CTDSPL: variants seen among roughly 807,000 people sequenced by gnomAD.
CTDSPL encodes the protein CTD small phosphatase-like protein.
CTDSPL carries 8 observed loss-of-function variants against 30.5 expected under a neutral mutation model. The observed-to-expected ratio is 0.26, with a 90% confidence interval of 0.15 to 0.47. The LOEUF is 0.47. Ranked by LOEUF, CTDSPL falls within the 20% of genes least tolerant of loss-of-function variation. The probability of loss-of-function intolerance (pLI) is 0.99; values close to 1 mark genes in which losing one functional copy is unlikely to be tolerated. For synonymous variants in CTDSPL, 110 were observed against 137.9 expected (o/e 0.80, Z 1.42); for missense variants, 248 against 366.1 (o/e 0.68, Z 2.63).
At chr3:37,969,485 C>G (rs1296992535) in intron 5 of CTDSPL, 2 of 487,678 alleles carry the variant, frequency 4.1e-6, no homozygotes, top group South Asian at 3.1e-5. Context: ...GGACGCGGGC[C>G]TGGACGCCGG....
chr3:37,874,866 T>C (rs1043174285), intron 1 of CTDSPL, among the ~76,000 whole-genome samples: 3 of 152,242 alleles, frequency 2.0e-5, no homozygotes, highest in African/African-American at 7.2e-5. Context: ...AGTGAAGGGA[T>C]TCTCTTGGGT....
chr3:37,942,663 T>C (rs1345138926), intron 1 of CTDSPL, among the ~76,000 whole-genome samples: 1 of 150,204 alleles, frequency 6.7e-6, no homozygotes, highest in Non-Finnish European at 1.5e-5. Flanking sequence ...ACAAAAATTA[T>C]GGAGTGCTTG....
At chr3:37,904,358 G>A (rs192914223) in intron 1 of CTDSPL, among the ~76,000 whole-genome samples, 6 of 152,244 alleles carry the variant, frequency 3.9e-5, no homozygotes, top group Admixed American at 3.3e-4. Flanking sequence ...CACTCTATCA[G>A]GCATTGAGGA....
At chr3:37,918,037 AGGGGAGAT>A (rs1209612873) in intron 1 of CTDSPL, among the ~76,000 whole-genome samples, 1 of 152,140 alleles carries the variant, frequency 6.6e-6, no homozygotes, top group African/African-American at 2.4e-5. Flanking sequence ...ATTCTAAGTG[AGGGGAGAT>A]GGGGAGCAGA....
intron 1 of CTDSPL, among the ~76,000 whole-genome samples, chr3:37,907,812 T>A (rs1051735491): frequency 3.3e-5 from 5 of 152,196 alleles, no homozygotes; most frequent in African/African-American, 1.2e-4. Context: ...ACTTTAAGCA[T>A]GTTAGAAAGT....
At chr3:37,959,591 G>A (rs1699213260) in intron 3 of CTDSPL, among the ~76,000 whole-genome samples, 1 of 152,100 alleles carries the variant, frequency 6.6e-6, no homozygotes, top group African/African-American at 2.4e-5. Flanking sequence ...ATATTAGTAG[G>A]TATATATCTG....
intron 2 of CTDSPL, among the ~76,000 whole-genome samples, chr3:37,947,433 G>A (rs138757230): frequency 0.064 from 9,725 of 152,174 alleles, 419 homozygotes; most frequent in Middle Eastern, 0.13. Context: ...GGTGGCAGGC[G>A]CCTGTAATCC....
chr3:37,913,015 G>A (rs992288750), intron 1 of CTDSPL, among the ~76,000 whole-genome samples: 1 of 152,174 alleles, frequency 6.6e-6, no homozygotes, highest in African/African-American at 2.4e-5. Flanking sequence ...AGTTTGATGA[G>A]TGTATAAATG....
chr3:37,981,804 TA>T lies in CTDSPL; in HGVS notation c.*940del, dbSNP rs1699495362. The T allele has an allele frequency of 1.3e-5, 6 of 456,890 alleles. No homozygotes were observed. Among genetic ancestry groups the T allele is most frequent in the Non-Finnish European group, 2.2e-5 (5 of 226,998 alleles). 28.3% of individuals were successfully genotyped at this position (456,890 alleles called of 1,614,324 possible). ...TAAAAGAAATCTGTTTATTGATTTT[TA>T]AATCTTTCCTTTCCAAAAGCTGGAT... is the stretch of plus-strand genomic sequence containing the variant. On this transcript the variant is annotated 3_prime_UTR_variant, in exon 8 of 8. Coordinates refer to ENST00000273179, the MANE Select transcript of CTDSPL (RefSeq NM_001008392.2).
intron 1 of CTDSPL, among the ~76,000 whole-genome samples, chr3:37,883,203 G>A (rs1429559910): frequency 6.6e-6 from 1 of 152,210 alleles, no homozygotes; most frequent in Admixed American, 6.5e-5. Context: ...AAGAAATCCA[G>A]TTGGACCAAG....
intron 1 of CTDSPL, among the ~76,000 whole-genome samples, chr3:37,902,087 T>G (rs1195173119): frequency 1.3e-5 from 2 of 152,188 alleles, no homozygotes; most frequent in African/African-American, 4.8e-5. Flanking sequence ...ATGCTGTTCT[T>G]GAAACTCTCA....
At chr3:37,965,300 C>T (rs1699287429) in intron 4 of CTDSPL, among the ~76,000 whole-genome samples, 1 of 152,330 alleles carries the variant, frequency 6.6e-6, no homozygotes, top group East Asian at 1.9e-4. Flanking sequence ...CTTCCTGTCA[C>T]CTTCCCTGAT....
intron 1 of CTDSPL, among the ~76,000 whole-genome samples, chr3:37,943,222 C>T (rs895168695): frequency 2.7e-5 from 4 of 150,176 alleles, no homozygotes; most frequent in East Asian, 2.0e-4. Flanking sequence ...GTCAGACACA[C>T]GTTCATTTGG....
At position 37,957,115 on chromosome 3, in the gene CTDSPL, A is replaced by T. The variant is rs986660382; in HGVS notation, c.239A>T (p.Asp80Val). The T allele has an allele frequency of 6.2e-7, 1 of 1,600,068 alleles. No individual in the cohort carries two copies. The highest frequency in any genetic ancestry group is 1.4e-5 in the African/African-American group (1 of 74,064). ...TTTTTTTTTCTTTTTCCTCAGGGTG[A>T]CCAGAGGCAGGTCATTCCCATACCA... ...VEENGGLQKGDQRQVIPIPSP... is the reference protein window; with the variant it reads ...VEENGGLQKGVQRQVIPIPSP... Residue 80 changes from aspartate to valine, a missense_variant, in exon 3 of 8, where the codon GAC becomes GTC. By Grantham distance (152) the Asp-to-Val change is radical (BLOSUM62 -3). Coordinates refer to ENST00000273179, the MANE Select transcript of CTDSPL (RefSeq NM_001008392.2).
chr3:37,877,197 C>T (rs1698145413), intron 1 of CTDSPL, among the ~76,000 whole-genome samples: 1 of 152,056 alleles, frequency 6.6e-6, no homozygotes, highest in Non-Finnish European at 1.5e-5. Context: ...GCAGCTATCA[C>T]CACCATCCAT....
At position 37,971,310 on chromosome 3, in the gene CTDSPL, A is replaced by G. The variant is rs532147192; in HGVS notation, c.427-97A>G. ...ATAGACCTGGGGGAGGGAGGCAGGA[A>G]CCTTTGTAGCAATTCTTCCTACAGT... On this transcript the variant is annotated intron_variant, in intron 5 of 7. Transcript: ENST00000273179. The G allele has an allele frequency of 1.5e-4, 156 of 1,065,244 alleles. No individual in the cohort carries two copies. The East Asian group carries it at 3.4e-3, about 23-fold the overall frequency. 66.0% of individuals were successfully genotyped at this position (1,065,244 alleles called of 1,614,324 possible).
intron 1 of CTDSPL, among the ~76,000 whole-genome samples, chr3:37,873,008 C>T (rs1698094076): frequency 6.6e-6 from 1 of 152,182 alleles, no homozygotes; most frequent in Non-Finnish European, 1.5e-5. Flanking sequence ...CCTCCTCTGA[C>T]ACCACCTCAA....
chr3:37,951,613 C>T (rs543533517), intron 2 of CTDSPL, among the ~76,000 whole-genome samples: 2 of 151,550 alleles, frequency 1.3e-5, no homozygotes, highest in South Asian at 2.1e-4. Flanking sequence ...CCCAGGAGGT[C>T]GAGGCTGCAG....
chr3:37,915,633 T>G lies in CTDSPL; in HGVS notation c.80-31424T>G, dbSNP rs1212019012. 2.6e-5 allele frequency among the ~76,000 whole-genome samples: 4 copies of G among 152,344 alleles called. No individual in the cohort carries two copies. The East Asian group carries it at 7.7e-4, about 29-fold the overall frequency. On this transcript the variant is annotated intron_variant, in intron 1 of 7. Transcript: ENST00000273179. ...TTTAAAATCTAGAATTACTGGGTTT[T>G]GTTTTGTTTCTAGTTCTCTGAGAAA...
Sources: gnomAD v4.1 joint callset for allele counts (sites outside exome capture counted in the v4.1 genomes callset) on GRCh38, gnomAD v4.1.1 for gene constraint, MANE v1.5 for transcripts, NCBI Gene and HGNC (gene_info 2026-07-23, HGNC 2026-07-21) for gene names.